ZNF652: variants seen among roughly 807,000 people sequenced by gnomAD.
The protein encoded by ZNF652 is zinc finger protein 652.
In ZNF652, 16 loss-of-function variants were observed where a neutral mutation model predicts 45.2. The ratio of observed to expected loss-of-function variants is 0.35; its 90% CI spans 0.24 to 0.54. ZNF652 has a LOEUF of 0.54. ZNF652 is among the 20% of genes least tolerant of loss of function. ZNF652 has a pLI of 0.91. For missense variants in ZNF652, 614 were observed against 765.6 expected (o/e 0.80, Z 2.34); for synonymous variants, 250 against 260.6 (o/e 0.96, Z 0.39).
downstream of ZNF652, chr17:49,289,181 G>A (rs1291901638): frequency 6.7e-6 from 1 of 148,344 alleles, no homozygotes; most frequent in Non-Finnish European, 1.5e-5. Context: ...GGGTAAGGAA[G>A]AAATGAAGAA....
chr17:49,333,710 ACT>A (rs1265550469), intron 1 of ZNF652, among the ~76,000 whole-genome samples: 14 of 133,304 alleles, frequency 1.1e-4, no homozygotes, highest in Admixed American at 9.9e-4. Flanking sequence ...ACAGAGTGAG[ACT>A]CTGTCTCAAG....
chr17:49,349,363 C>A (rs2070246004), intron 1 of ZNF652, among the ~76,000 whole-genome samples: 1 of 152,110 alleles, frequency 6.6e-6, no homozygotes, highest in Admixed American at 6.6e-5. Context: ...CACACCATTG[C>A]ACTCCAACCA....
intron 2 of ZNF652, among the ~76,000 whole-genome samples, chr17:49,313,816 TA>T (rs2069753097): frequency 6.7e-6 from 1 of 149,818 alleles, no homozygotes; most frequent in South Asian, 2.1e-4. Context: ...CTACTAAAAA[TA>T]AAAAAATTAG....
At chr17:49,302,282 T>C (rs970404398) in intron 5 of ZNF652, among the ~76,000 whole-genome samples, 2 of 146,072 alleles carry the variant, frequency 1.4e-5, no homozygotes, top group African/African-American at 5.0e-5. Flanking sequence ...TTATAAAGTA[T>C]AGAAATGTAA....
At chr17:49,320,884 G>GCC (rs1555627786) in intron 1 of ZNF652, among the ~76,000 whole-genome samples, 4 of 151,460 alleles carry the variant, frequency 2.6e-5, no homozygotes, top group Non-Finnish European at 5.9e-5. Context: ...ACGGAGTCTC[G>GCC]CTGTCACCCA....
chr17:49,351,019 A>ATG (rs2070274781), intron 1 of ZNF652, among the ~76,000 whole-genome samples: 1 of 25,510 alleles, frequency 3.9e-5, no homozygotes, highest in Non-Finnish European at 7.2e-5. Flanking sequence ...ATATATACAC[A>ATG]CACACACACA....
chr17:49,318,568 T>C (rs2069843340), intron 1 of ZNF652, among the ~76,000 whole-genome samples: 1 of 152,204 alleles, frequency 6.6e-6, no homozygotes, highest in South Asian at 2.1e-4. Context: ...GCATACAGTA[T>C]ATATTTGATG....
At chr17:49,327,126 A>G (rs1431589065) in intron 1 of ZNF652, among the ~76,000 whole-genome samples, 1 of 152,186 alleles carries the variant, frequency 6.6e-6, no homozygotes. Context: ...CATTTATATG[A>G]TGCTTTACAG....
chr17:49,304,909 C>A (rs1201141022), intron 5 of ZNF652, among the ~76,000 whole-genome samples: 2 of 150,950 alleles, frequency 1.3e-5, no homozygotes, highest in Non-Finnish European at 2.9e-5. Flanking sequence ...CACACACATA[C>A]ATATATACAC....
chr17:49,326,521 T>C (rs1385264257), intron 1 of ZNF652, among the ~76,000 whole-genome samples: 1 of 151,830 alleles, frequency 6.6e-6, no homozygotes, highest in African/African-American at 2.4e-5. Flanking sequence ...CCAAGAAAGG[T>C]AATAGAAACA....
intron 5 of ZNF652, among the ~76,000 whole-genome samples, chr17:49,310,042 C>T (rs1047818831): frequency 6.6e-6 from 1 of 152,190 alleles, no homozygotes; most frequent in Non-Finnish European, 1.5e-5. Context: ...CAAGCTCCGC[C>T]TCCTGGGTTC....
At chr17:49,304,604 T>C (rs2143728601) in intron 5 of ZNF652, among the ~76,000 whole-genome samples, 1 of 152,244 alleles carries the variant, frequency 6.6e-6, no homozygotes, top group South Asian at 2.1e-4. Context: ...AACAGTTAAG[T>C]TCATTAAGGT....
chr17:49,333,212 C>G (rs1031686144), intron 1 of ZNF652, among the ~76,000 whole-genome samples: 1 of 151,150 alleles, frequency 6.6e-6, no homozygotes, highest in African/African-American at 2.4e-5. Flanking sequence ...TGCCTGTCAC[C>G]ATGCCCAGCT....
intron 1 of ZNF652, among the ~76,000 whole-genome samples, chr17:49,332,273 T>G (rs754903614): frequency 1.4e-4 from 21 of 152,088 alleles, no homozygotes; most frequent in Non-Finnish European, 2.4e-4. Context: ...AATAAATAAA[T>G]ATAACATTTT....
chr17:49,323,663 G>A (rs2069923138), intron 1 of ZNF652, among the ~76,000 whole-genome samples: 1 of 152,124 alleles, frequency 6.6e-6, no homozygotes, highest in South Asian at 2.1e-4. Flanking sequence ...TTGATCCATG[G>A]GCCACAGAAT....
At chr17:49,341,750 C>T (rs1038921174) in intron 1 of ZNF652, among the ~76,000 whole-genome samples, 1 of 152,080 alleles carries the variant, frequency 6.6e-6, no homozygotes, top group African/African-American at 2.4e-5. Context: ...GGTTATATTA[C>T]AAAGATCATT....
At chr17:49,341,189 G>C (rs1456992487) in intron 1 of ZNF652, among the ~76,000 whole-genome samples, 2 of 152,150 alleles carry the variant, frequency 1.3e-5, no homozygotes, top group East Asian at 3.9e-4. Context: ...CTGTACTCTA[G>C]ACTGGGTGAC....
intron 5 of ZNF652, among the ~76,000 whole-genome samples, chr17:49,304,329 C>A (rs2069597822): frequency 6.6e-6 from 1 of 152,080 alleles, no homozygotes; most frequent in Admixed American, 6.6e-5. Context: ...ATCTTTTACT[C>A]ACTTCTTAAT....
chr17:49,338,287 G>A (rs1298632372), intron 1 of ZNF652, among the ~76,000 whole-genome samples: 1 of 151,916 alleles, frequency 6.6e-6, no homozygotes, highest in Non-Finnish European at 1.5e-5. Context: ...CACTCCACCA[G>A]TTTCTGAACT....
Sources: allele counts gnomAD v4.1 joint callset (sites outside exome capture counted in the v4.1 genomes callset), GRCh38; gene constraint gnomAD v4.1.1; transcripts MANE v1.5; gene names NCBI Gene and HGNC (gene_info 2026-07-23, HGNC 2026-07-21).